Variants in ZNF683 observed in about 807,000 individuals in gnomAD.
ZNF683 encodes the protein zinc finger protein 683.
ZNF683 carries 20 observed loss-of-function variants against 31.4 expected under a neutral mutation model. The observed-to-expected ratio is 0.64, with a 90% CI of 0.45 to 0.93. The LOEUF is 0.93. ZNF683 is among the 40% of genes least tolerant of loss of function. The pLI, the probability that ZNF683 is intolerant of heterozygous loss-of-function variation, is 0.00. For missense variants in ZNF683, 621 were observed against 637.2 expected, an observed-to-expected ratio of 0.97 and a Z score of 0.27; for synonymous variants, 264 against 267.6, an observed-to-expected ratio of 0.99 and a Z score of 0.13.
Position 26,361,881 on chromosome 1 carries a change from C to A in ZNF683, c.1285G>T (p.Ala429Ser). ...TGCACCAGGCCACAGGGCTGTGGGG[C>A]ATGCAGCCGATGGTGCAGCTTCAGG... ...IHLKLHHRLHAPQPCGLVHTQ... is the reference protein window; with the variant it reads ...IHLKLHHRLHSPQPCGLVHTQ... Residue 429 changes from alanine (A) to serine (S), a missense_variant, in exon 6 of 6, where the codon GCC (alanine) becomes TCC (serine). Transcript: ENST00000349618. The A allele has an allele frequency of 6.2e-7, 1 of 1,614,012 alleles. No individual in the cohort carries two copies. Among genetic ancestry groups the A allele is most frequent in the South Asian group, 1.1e-5 (1 of 91,084 alleles).
upstream of ZNF683, chr1:26,374,129 A>T: frequency 3.0e-6 from 2 of 675,550 alleles, no homozygotes; most frequent in Non-Finnish European, 4.3e-6. Flanking sequence ...GGAGGGGCTT[A>T]GTTCACCAAA....
intron 1 of ZNF683, chr1:26,372,389 G>T: frequency 9.8e-7 from 1 of 1,023,508 alleles, no homozygotes; most frequent in Non-Finnish European, 1.3e-6. Context: ...CCCTACATGA[G>T]TCTTGAGGGA....
At position 26,361,687 on chromosome 1, in the gene ZNF683, C is replaced by G. The variant is rs773611590; in HGVS notation, c.1479G>C (p.Gly493=). ...GGTCCTGCCCCATCACCAGGGGAGT[C>G]CCGGCACTGCTCAGGCTCACTGCTC... ...KARAVSLSSA[G]TPLVMGQDQN... Residue 493 remains glycine (G), a synonymous_variant, in exon 6 of 6, where the codon GGG becomes GGC. Coordinates refer to ENST00000349618, the MANE Select transcript of ZNF683 (RefSeq NM_001114759.3). The G allele has an allele frequency of 6.2e-7, 1 of 1,613,818 alleles. No homozygotes were observed. The highest frequency in any genetic ancestry group is 2.2e-5 in the East Asian group (1 of 44,886).
upstream of ZNF683, chr1:26,372,904 G>A: frequency 9.5e-7 from 1 of 1,051,748 alleles, no homozygotes; most frequent in South Asian, 1.9e-5. Context: ...CTCCATGTGG[G>A]AACCTGAGGG....
chr1:26,363,742 A>AGG (rs1557733874), intron 4 of ZNF683, among the ~76,000 whole-genome samples: 18 of 129,184 alleles, frequency 1.4e-4, no homozygotes, highest in Non-Finnish European at 2.0e-4. Flanking sequence ...ATATGGAAAA[A>AGG]AAAAAAAAAA....
chr1:26,374,278 C>G, upstream of ZNF683: 1 of 1,304,274 alleles, frequency 7.7e-7, no homozygotes, highest in Non-Finnish European at 1.0e-6. Flanking sequence ...CCCCACACAC[C>G]TTTGGCTTCC....
intron 3 of ZNF683, among the ~76,000 whole-genome samples, chr1:26,366,950 C>T (rs1286641363): frequency 1.3e-5 from 2 of 152,196 alleles, no homozygotes; most frequent in Non-Finnish European, 2.9e-5. Context: ...GCCACCGTGC[C>T]CGGCCTCCAG....
At chr1:26,374,166 T>C (rs1570281558), upstream of ZNF683, 14 of 1,159,388 alleles carry the variant, frequency 1.2e-5, no homozygotes, top group South Asian at 1.8e-4. Flanking sequence ...GGAAGAGCCC[T>C]CTCAGACCCC....
chr1:26,372,363 G>C (rs908610824), intron 1 of ZNF683: 27 of 751,476 alleles, frequency 3.6e-5, no homozygotes, highest in Non-Finnish European at 3.8e-6. Context: ...TGGACGCCCA[G>C]CCTCTGAAAC....
chr1:26,367,474 TA>T, intron 3 of ZNF683, 118 bp downstream of exon 3: 1 of 1,144,692 alleles, frequency 8.7e-7, no homozygotes, highest in Non-Finnish European at 1.2e-6. Context: ...AAAGTGTGCC[TA>T]AGCTCTGTCT....
chr1:26,368,503 G>GC lies in ZNF683; in HGVS notation c.68dup (p.Ser24LeufsTer14), dbSNP rs1208227319. On this transcript the variant is annotated frameshift_variant, in exon 2 of 6. Transcript: ENST00000349618. LOFTEE classifies it high-confidence loss of function. ...GGAAGTCCAGGCTGGGGGACAGGGA[G>GC]CCCCCTGTACCTCCCAGGGCCATGG... is the stretch of plus-strand genomic sequence containing the variant. The GC allele has an allele frequency of 6.9e-6, 11 of 1,602,740 alleles. No homozygotes were observed. The African/African-American group carries it at 1.2e-4, about 18-fold the overall frequency.
chr1:26,362,257 A>G, intron 5 of ZNF683: 1 of 1,372,668 alleles, frequency 7.3e-7, no homozygotes. Context: ...CTCCTCTCTG[A>G]GCCTTCCTCT....
rs1258106975 is a variant in ZNF683, at chr1:26,368,466, C to A, written c.106G>T (p.Gly36Cys). ...SPSLDFQLFR[G>C]DQVFSACRPL... ...CTGGGGTTCTACCTTACCTGGTCAC[C>A]TCGGAAGAGCTGGAAGTCCAGGCTG... The change falls in exon 2 of 6, where the codon GGT becomes TGT. Residue 36 changes from glycine (G) to cysteine (C), a missense_variant. Transcript: ENST00000349618. 1 of 1,593,160 alleles carries A rather than the reference C, an allele frequency of 6.3e-7. No individual in the cohort carries two copies. The highest frequency in any genetic ancestry group is 1.1e-5 in the South Asian group (1 of 87,556).
At chr1:26,371,097 G>A (rs945685798) in intron 1 of ZNF683, among the ~76,000 whole-genome samples, 2 of 152,198 alleles carry the variant, frequency 1.3e-5, no homozygotes, top group Non-Finnish European at 2.9e-5. Context: ...TGATGACAGG[G>A]AGACAGTGAT....
chr1:26,374,162 G>A, upstream of ZNF683: 1 of 1,085,468 alleles, frequency 9.2e-7, no homozygotes, highest in Non-Finnish European at 1.2e-6. Context: ...AAAAGGAAGA[G>A]CCCTCTCAGA....
chr1:26,363,989 CT>C (rs2074452867), intron 4 of ZNF683, among the ~76,000 whole-genome samples: 1 of 152,220 alleles, frequency 6.6e-6, no homozygotes, highest in East Asian at 1.9e-4. Flanking sequence ...CTGAGATGCG[CT>C]CCCTGGGCGC....
chr1:26,370,770 A>G (rs2074651609), intron 1 of ZNF683: 2 of 977,948 alleles, frequency 2.0e-6, no homozygotes, highest in Non-Finnish European at 2.4e-6. Context: ...GAGAGATGGC[A>G]GGAAGGTGTT....
At chr1:26,371,391 G>T (rs1375200925) in intron 1 of ZNF683, among the ~76,000 whole-genome samples, 1 of 152,066 alleles carries the variant, frequency 6.6e-6, no homozygotes, top group African/African-American at 2.4e-5. Context: ...CTTGAGCCCA[G>T]GAGTTTGAGA....
upstream of ZNF683, chr1:26,374,285 T>C (rs1390424059): frequency 6.9e-6 from 9 of 1,304,146 alleles, no homozygotes; most frequent in Admixed American, 2.1e-4. Context: ...CACCTTTGGC[T>C]TCCATCTGCC....
Sources: gnomAD v4.1 joint callset for allele counts (sites outside exome capture counted in the v4.1 genomes callset) on GRCh38, gnomAD v4.1.1 for gene constraint, MANE v1.5 for transcripts, NCBI Gene and HGNC (gene_info 2026-07-23, HGNC 2026-07-21) for gene names.